Variants in CSMD2 observed in about 807,000 individuals in gnomAD.
The protein encoded by CSMD2 is CUB and sushi domain-containing protein 2.
Under a neutral mutation model 398.5 loss-of-function variants are expected in CSMD2, and 130 were observed. The ratio of observed to expected loss-of-function variants is 0.33; its 90% CI spans 0.28 to 0.38. CSMD2 has a LOEUF of 0.38. Ranked by LOEUF, CSMD2 falls within the 10% of genes least tolerant of loss-of-function variation. The pLI is 1.00. For synonymous variants in CSMD2, 1,828 were observed against 1,908.5 expected (o/e 0.96, Z 1.10); for missense variants, 3,829 against 4,764.9 (o/e 0.80, Z 5.78).
intron 5 of CSMD2, among the ~76,000 whole-genome samples, chr1:33,889,476 G>C (rs1214820069): frequency 6.6e-6 from 1 of 152,148 alleles, no homozygotes; most frequent in Non-Finnish European, 1.5e-5. Context: ...GTACACTTTA[G>C]CAGAGTCTAA....
intron 48 of CSMD2, among the ~76,000 whole-genome samples, chr1:33,579,594 G>A (rs1313170873): frequency 1.3e-5 from 2 of 152,066 alleles, no homozygotes; most frequent in Admixed American, 6.5e-5. Flanking sequence ...TTGCAAGTAG[G>A]AGACCCATGA....
intron 48 of CSMD2, among the ~76,000 whole-genome samples, chr1:33,578,105 C>G (rs1034732072): frequency 3.9e-5 from 6 of 152,176 alleles, no homozygotes; most frequent in African/African-American, 1.2e-4. Context: ...CTTCTTTGTG[C>G]TGTGTGGGGG....
In CSMD2 at chr1:33,840,396, T is replaced by C. The variant is rs375751903; in HGVS notation, c.1033+6488A>G. ...AGGACTTCACTCAAATGTTATTGCCTCCCTATGGGTGTCTACATCTCTCAG... is the reference window on the plus strand; with the variant it reads ...AGGACTTCACTCAAATGTTATTGCCCCCCTATGGGTGTCTACATCTCTCAG... On this transcript the variant is annotated intron_variant, in intron 6 of 70. Coordinates refer to ENST00000373381, the MANE Select transcript of CSMD2 (RefSeq NM_001281956.2). 1.2e-4 allele frequency among the ~76,000 whole-genome samples: 19 copies of C among 152,326 alleles called. No individual in the cohort carries two copies. In the East Asian group the frequency reaches 3.3e-3, roughly 26 times the overall value.
At chr1:33,901,513 C>T (rs948941183) in intron 5 of CSMD2, among the ~76,000 whole-genome samples, 2 of 152,156 alleles carry the variant, frequency 1.3e-5, no homozygotes, top group African/African-American at 2.4e-5. Context: ...GCCAGTGCGT[C>T]GTAGGAGCCT....
At chr1:33,650,006 G>A (rs1402817545) in intron 28 of CSMD2, among the ~76,000 whole-genome samples, 2 of 152,126 alleles carry the variant, frequency 1.3e-5, no homozygotes, top group South Asian at 2.1e-4. Context: ...TGGGTGACAC[G>A]GTCTTCTTGC....
In CSMD2 at chr1:33,569,440, C is replaced by A; in HGVS notation, c.8065G>T (p.Val2689Leu). 1 of 1,614,170 alleles carries A rather than the reference C, an allele frequency of 6.2e-7. No individual in the cohort carries two copies. Among genetic ancestry groups the A allele is most frequent in the Non-Finnish European group, 8.5e-7 (1 of 1,180,028 alleles). The change falls in exon 52 of 71, where the codon GTG becomes TTG. Residue 2689 changes from valine to leucine, a missense_variant. Physicochemically the swap from Val to Leu is conservative, Grantham distance 32 (BLOSUM62 1). This residue lies in a region of CSMD2 where 723 missense variants were observed against 758.6 expected (regional missense o/e 0.95). Transcript: ENST00000373381. ...ATGCACTCACGCACCCTGGAGCCCA[C>A]CAGTGTGTATCCGGAATTGCAGGAG... Reference protein sequence around the residue: ...IFSCNSGYTLVGSRVRECMAN... With the variant: ...IFSCNSGYTLLGSRVRECMAN...
At chr1:33,964,898 G>A (rs1182389891) in intron 3 of CSMD2, among the ~76,000 whole-genome samples, 1 of 152,342 alleles carries the variant, frequency 6.6e-6, no homozygotes, top group African/African-American at 2.4e-5. Flanking sequence ...TTTATGAAAT[G>A]GTAGTGCTCA....
In CSMD2 at chr1:34,032,684, C is replaced by A; in HGVS notation, c.427G>T (p.Ala143Ser). 1 of 1,595,566 alleles carries A rather than the reference C, an allele frequency of 6.3e-7. No homozygotes were observed. The highest frequency in any genetic ancestry group is 8.5e-7 in the Non-Finnish European group (1 of 1,170,804). ...RTRLTGFQLPATIVSAATTLS... is the reference protein window; with the variant it reads ...RTRLTGFQLPSTIVSAATTLS... ...GTGGTGGCTGCACTAACAATGGTGG[C>A]TGGCAGCTGAAAGCCTGTGAGCCTG... Residue 143 changes from alanine to serine, a missense_variant, in exon 3 of 71, where the codon GCC (alanine) becomes TCC (serine). By Grantham distance (99) the Ala-to-Ser change is moderately conservative. This residue lies in a region of CSMD2 where 184 missense variants were observed against 217.7 expected (regional missense o/e 0.85). Coordinates refer to ENST00000373381, the MANE Select transcript of CSMD2 (RefSeq NM_001281956.2).
At chr1:34,066,921 C>T (rs1655180326) in intron 2 of CSMD2, among the ~76,000 whole-genome samples, 1 of 152,140 alleles carries the variant, frequency 6.6e-6, no homozygotes, top group Non-Finnish European at 1.5e-5. Context: ...ATCACAAATT[C>T]CTGGAAATGA....
At chr1:33,547,670 C>T (rs1657040089) in intron 56 of CSMD2, among the ~76,000 whole-genome samples, 1 of 152,362 alleles carries the variant, frequency 6.6e-6, no homozygotes, top group Admixed American at 6.5e-5. Context: ...TTTCAACCTT[C>T]AATGTAAACA....
intron 3 of CSMD2, among the ~76,000 whole-genome samples, chr1:34,015,154 A>AC (rs1334409903): frequency 3.3e-5 from 5 of 152,178 alleles, no homozygotes; most frequent in African/African-American, 1.2e-4. Flanking sequence ...AGCCCCCAGA[A>AC]CCCAGGTGCA....
intron 5 of CSMD2, among the ~76,000 whole-genome samples, chr1:33,911,276 GAATA>G (rs1366619202): frequency 6.6e-6 from 1 of 152,184 alleles, no homozygotes; most frequent in African/African-American, 2.4e-5. Context: ...AAGCATATGT[GAATA>G]AATAAATAAG....
intron 6 of CSMD2, among the ~76,000 whole-genome samples, chr1:33,835,796 C>T (rs1660175120): frequency 1.3e-5 from 2 of 149,806 alleles, no homozygotes; most frequent in Admixed American, 6.6e-5. Flanking sequence ...AACTTCTTTG[C>T]CATGGGTTCG....
At chr1:33,717,807 G>A (rs1467071915) in intron 19 of CSMD2, among the ~76,000 whole-genome samples, 1 of 151,982 alleles carries the variant, frequency 6.6e-6, no homozygotes, top group African/African-American at 2.4e-5. Context: ...GGTGAAGTTG[G>A]AGCGATGGGG....
intron 10 of CSMD2, among the ~76,000 whole-genome samples, chr1:33,801,067 CAAAGG>C (rs1437722031): frequency 2.0e-5 from 3 of 152,180 alleles, no homozygotes; most frequent in Non-Finnish European, 4.4e-5. Flanking sequence ...TTCAGGTCTA[CAAAGG>C]AAACAGTGAC....
intron 3 of CSMD2, among the ~76,000 whole-genome samples, chr1:33,980,137 T>A (rs1377753178): frequency 1.3e-5 from 2 of 152,172 alleles, no homozygotes; most frequent in Non-Finnish European, 2.9e-5. Context: ...GCTGGGACTC[T>A]GGAACCTGGC....
chr1:34,066,841 A>G (rs1180325153), intron 2 of CSMD2, among the ~76,000 whole-genome samples: 1 of 152,202 alleles, frequency 6.6e-6, no homozygotes, highest in East Asian at 1.9e-4. Flanking sequence ...TGGGGTCTGC[A>G]GGACAGACAG....
chr1:33,872,770 G>A (rs1640564625), intron 5 of CSMD2, among the ~76,000 whole-genome samples: 1 of 152,154 alleles, frequency 6.6e-6, no homozygotes, highest in African/African-American at 2.4e-5. Context: ...GCAGGAAACA[G>A]GCTGAGAAAA....
Position 34,032,655 on chromosome 1 carries a change from G to A in CSMD2, c.456C>T (p.Leu152=), listed in dbSNP as rs1282508043. The change falls in exon 3 of 71, where the codon CTC becomes CTT. Residue 152 remains leucine, a synonymous_variant. Coordinates refer to ENST00000373381, the MANE Select transcript of CSMD2 (RefSeq NM_001281956.2). ...PATIVSAATT[L]SLRLISDYAV... The stretch of plus-strand genomic sequence containing the variant: ...CATAGTCGCTGATGAGGCGCAGAGA[G>A]AGGGTGGTGGCTGCACTAACAATGG... 3 of 1,603,348 alleles carry A rather than the reference G, an allele frequency of 1.9e-6. No individual in the cohort carries two copies. The highest frequency in any genetic ancestry group is 2.2e-5 in the East Asian group (1 of 44,616).
Sources: allele counts gnomAD v4.1 joint callset (sites outside exome capture counted in the v4.1 genomes callset), GRCh38; gene constraint gnomAD v4.1.1; regional missense constraint gnomAD v4.1.1; transcripts MANE v1.5; gene names NCBI Gene and HGNC (gene_info 2026-07-23, HGNC 2026-07-21).